ZFHX3: variants seen among roughly 807,000 people sequenced by gnomAD.
ZFHX3 encodes zinc finger homeobox 3.
In ZFHX3, 42 loss-of-function variants were observed where a neutral mutation model predicts 279.1. The observed-to-expected ratio is 0.15, with a 90% CI of 0.12 to 0.19. The LOEUF is 0.19. Ranked by LOEUF, ZFHX3 falls within the 10% of genes least tolerant of loss-of-function variation. The pLI, the probability that ZFHX3 is intolerant of heterozygous loss-of-function variation, is 1.00. For missense variants in ZFHX3, 4,981 were observed against 4,754.0 expected, an observed-to-expected ratio of 1.05 and a Z score of -1.40; for synonymous variants, 2,293 against 1,957.8, an observed-to-expected ratio of 1.17 and a Z score of -4.52.
intron 5 of ZFHX3, among the ~76,000 whole-genome samples, chr16:73,179,112 T>C (rs949062417): frequency 6.6e-6 from 1 of 152,202 alleles, no homozygotes; most frequent in Admixed American, 6.5e-5. Context: ...GGACTTCTAA[T>C]ATATTCTCAC....
At chr16:73,494,462 A>G (rs1286243398) in intron 2 of ZFHX3, among the ~76,000 whole-genome samples, 1 of 152,176 alleles carries the variant, frequency 6.6e-6, no homozygotes, top group East Asian at 1.9e-4. Flanking sequence ...CTTCCTCCCC[A>G]TTGGCCTTCT....
intron 3 of ZFHX3, among the ~76,000 whole-genome samples, chr16:72,890,497 T>C (rs1369690317): frequency 9.2e-6 from 1 of 108,410 alleles, no homozygotes; most frequent in Non-Finnish European, 1.8e-5. Flanking sequence ...CCTTAGAGGG[T>C]TTTTTTTTTT....
chr16:73,659,398 A>G (rs758209739), intron 2 of ZFHX3, among the ~76,000 whole-genome samples: 61 of 152,304 alleles, frequency 4.0e-4, no homozygotes, highest in Non-Finnish European at 6.9e-4. Context: ...CATTTATATA[A>G]GGGTGTCAGG....
chr16:73,548,524 G>C (rs2020158063), intron 2 of ZFHX3, among the ~76,000 whole-genome samples: 1 of 151,192 alleles, frequency 6.6e-6, no homozygotes, highest in East Asian at 1.9e-4. Flanking sequence ...CTTCCAGAAA[G>C]GAAGACATTC....
rs761762599 is a variant in ZFHX3 at position 72,837,474 on chromosome 16, A to ATTT, written c.3449-7618_3449-7616dup. ...GACATGCGCCCTGGCTCCAATGATG[A>ATTT]TTTTTTTTTTTTTTTTTTTTTTGAG... On this transcript the variant is annotated intron_variant, in intron 4 of 9. Transcript: ENST00000268489. 9.2e-4 allele frequency among the ~76,000 whole-genome samples: 115 copies of ATTT among 125,178 alleles called. 1 individual carries two copies. In the East Asian group the frequency reaches 0.014, roughly 15 times the overall value. The allele number at this position is 125,178 out of a possible 152,430, so 82.1% of individuals were successfully genotyped here. A position where few individuals can be genotyped will look rare whatever the true frequency, so the allele number is the denominator to read the frequency against.
intron 1 of ZFHX3, among the ~76,000 whole-genome samples, chr16:73,854,556 G>C (rs1315336476): frequency 1.3e-5 from 2 of 151,884 alleles, no homozygotes; most frequent in Non-Finnish European, 2.9e-5. Context: ...CTTTATTTTA[G>C]ATGGAAAATA....
At chr16:72,898,485 G>C (rs1369820595) in intron 3 of ZFHX3, among the ~76,000 whole-genome samples, 6 of 152,138 alleles carry the variant, frequency 3.9e-5, no homozygotes, top group Non-Finnish European at 8.8e-5. Context: ...TAGTGGCCTT[G>C]AGAAAAACAG....
chr16:72,974,503 G>A (rs1179823333), intron 1 of ZFHX3, among the ~76,000 whole-genome samples: 1 of 152,010 alleles, frequency 6.6e-6, no homozygotes, highest in Non-Finnish European at 1.5e-5. Flanking sequence ...TCTGGCACGA[G>A]GCTCCGGAAC....
chr16:72,977,899 T>C (rs1157806801), intron 1 of ZFHX3, among the ~76,000 whole-genome samples: 1 of 151,968 alleles, frequency 6.6e-6, no homozygotes, highest in East Asian at 1.9e-4. Context: ...AGTCTCACTC[T>C]TGTTGCCCAG....
chr16:73,499,463 G>A (rs1370782543), intron 2 of ZFHX3: 1 of 152,220 alleles, frequency 6.6e-6, no homozygotes, highest in East Asian at 1.9e-4. Context: ...GGACATCTGT[G>A]TTTTCCATAT....
chr16:73,061,392 A>C (rs1415784876), upstream of ZFHX3: 1 of 131,416 alleles, frequency 7.6e-6, no homozygotes, highest in Non-Finnish European at 1.6e-5. Context: ...TTTTTTTTTA[A>C]GGGAAGGATG....
At chr16:73,824,433 G>T (rs1960840092) in intron 1 of ZFHX3, among the ~76,000 whole-genome samples, 1 of 137,812 alleles carries the variant, frequency 7.3e-6, no homozygotes, top group Admixed American at 7.3e-5. Flanking sequence ...TAAGTTTTAG[G>T]GTACATGTGC....
intron 1 of ZFHX3, among the ~76,000 whole-genome samples, chr16:73,683,007 GAAA>G (rs2053042290): frequency 1.3e-5 from 1 of 79,686 alleles, no homozygotes; most frequent in East Asian, 7.9e-4. Context: ...AAGAAAGAAA[GAAA>G]GAGAAAGGAG....
At chr16:73,461,546 T>G (rs2018470889) in intron 2 of ZFHX3, among the ~76,000 whole-genome samples, 1 of 152,242 alleles carries the variant, frequency 6.6e-6, no homozygotes, top group African/African-American at 2.4e-5. Flanking sequence ...CAATCCACTT[T>G]GGATTCATTT....
intron 7 of ZFHX3, among the ~76,000 whole-genome samples, chr16:73,130,152 T>C (rs1249656683): frequency 1.3e-5 from 2 of 152,190 alleles, no homozygotes; most frequent in African/African-American, 4.8e-5. Context: ...TTCCCAGAAA[T>C]GTGTCTTATG....
chr16:73,624,615 A>G (rs1392825509), intron 2 of ZFHX3, among the ~76,000 whole-genome samples: 1 of 150,630 alleles, frequency 6.6e-6, no homozygotes, highest in East Asian at 2.0e-4. Context: ...AAATGAATTC[A>G]GCAGATAATA....
chr16:73,783,845 G>A (rs1959551677), intron 1 of ZFHX3, among the ~76,000 whole-genome samples: 1 of 152,150 alleles, frequency 6.6e-6, no homozygotes, highest in African/African-American at 2.4e-5. Flanking sequence ...GTAAGAAGTA[G>A]GAAATTACAT....
chr16:73,670,261 G>A (rs773764145), intron 2 of ZFHX3, among the ~76,000 whole-genome samples: 1 of 152,168 alleles, frequency 6.6e-6, no homozygotes, highest in Non-Finnish European at 1.5e-5. Context: ...AATTTAGAAA[G>A]TGTATGATAC....
chr16:73,348,818 C>T (rs1215248552), intron 3 of ZFHX3, among the ~76,000 whole-genome samples: 1 of 152,150 alleles, frequency 6.6e-6, no homozygotes, highest in African/African-American at 2.4e-5. Flanking sequence ...GCAAATTCAG[C>T]CTGCCAGAAG....
Sources: gnomAD v4.1 joint callset for allele counts (sites outside exome capture counted in the v4.1 genomes callset) on GRCh38, gnomAD v4.1.1 for gene constraint, MANE v1.5 for transcripts, NCBI Gene and HGNC (gene_info 2026-07-23, HGNC 2026-07-21) for gene names.